Variants in ZFHX3 observed in about 807,000 individuals in gnomAD.
The protein encoded by ZFHX3 is zinc finger homeobox protein 3.
Under a neutral mutation model 279.1 loss-of-function variants are expected in ZFHX3, and 42 were observed. That is an observed-to-expected ratio of 0.15 (90% CI 0.12 to 0.19). The LOEUF (loss-of-function observed/expected upper bound fraction) is 0.19, where lower values mean the gene tolerates loss of function less well. Ranked by LOEUF, ZFHX3 falls within the 10% of genes least tolerant of loss-of-function variation. ZFHX3 has a pLI of 1.00. For missense variants in ZFHX3, 4,981 were observed against 4,754.0 expected (o/e 1.05, Z -1.40); for synonymous variants, 2,293 against 1,957.8 (o/e 1.17, Z -4.52).
At position 72,787,494 on chromosome 16, in the gene ZFHX3, G is replaced by C. The variant is rs764459005; in HGVS notation, c.10782C>G (p.Asn3594Lys). Residue 3594 changes from asparagine (N) to lysine (K), a missense_variant, in exon 10 of 10, where the codon AAC becomes AAG. Asn to Lys is a moderately conservative substitution (Grantham distance 94). Transcript: ENST00000268489. ...ASTSQSAAHS[N>K]DSPPPPSAAA... ...CGGCCGACGGGGGAGGGGGGCTGTCGTTTGAGTGAGCGGCAGACTGCGAGG... is the reference window on the plus strand; with the variant it reads ...CGGCCGACGGGGGAGGGGGGCTGTCCTTTGAGTGAGCGGCAGACTGCGAGG... The C allele has an allele frequency of 1.9e-5, 30 of 1,613,476 alleles. No individual in the cohort carries two copies. The highest frequency in any genetic ancestry group is 1.1e-4 in the African/African-American group (8 of 74,838).
chr16:72,802,558 A>G (rs891619217), intron 7 of ZFHX3, among the ~76,000 whole-genome samples: 1 of 152,142 alleles, frequency 6.6e-6, no homozygotes, highest in African/African-American at 2.4e-5. Flanking sequence ...TCTCCCTGAA[A>G]AAAAGGGGGG....
chr16:72,980,861 G>A (rs1164635420), intron 1 of ZFHX3, among the ~76,000 whole-genome samples: 4 of 152,256 alleles, frequency 2.6e-5, no homozygotes, highest in South Asian at 2.1e-4. Context: ...CAAAAAAGAC[G>A]GAACAAATCT....
intron 2 of ZFHX3, among the ~76,000 whole-genome samples, chr16:73,560,569 G>A (rs1234913050): frequency 6.6e-6 from 1 of 152,210 alleles, no homozygotes; most frequent in Admixed American, 6.5e-5. Context: ...TTGCTAGGCG[G>A]GTTTGGGTGT....
At chr16:72,947,659 G>C (rs1190485654) in intron 3 of ZFHX3, among the ~76,000 whole-genome samples, 1 of 152,102 alleles carries the variant, frequency 6.6e-6, no homozygotes, top group Non-Finnish European at 1.5e-5. Context: ...AGCAGCTTTG[G>C]AGAGCCGCCC....
intron 1 of ZFHX3, among the ~76,000 whole-genome samples, chr16:72,967,926 TAAA>T (rs34395944): frequency 7.6e-6 from 1 of 131,730 alleles, no homozygotes. Context: ...AGACCCCATC[TAAA>T]AAAAAAAAAA....
intron 1 of ZFHX3, among the ~76,000 whole-genome samples, chr16:73,016,397 A>C (rs887976529): frequency 2.0e-5 from 3 of 152,080 alleles, no homozygotes; most frequent in African/African-American, 4.8e-5. Flanking sequence ...TAAAAAAAAA[A>C]CAAAACATAA....
intron 1 of ZFHX3, among the ~76,000 whole-genome samples, chr16:73,009,736 A>T (rs1963844716): frequency 6.6e-6 from 1 of 152,018 alleles, no homozygotes. Context: ...AAACTCACAA[A>T]GGGGCCAGTC....
intron 1 of ZFHX3, among the ~76,000 whole-genome samples, chr16:72,979,489 C>T (rs1267209325): frequency 6.6e-6 from 1 of 152,168 alleles, no homozygotes; most frequent in Non-Finnish European, 1.5e-5. Context: ...ATTAACACTG[C>T]TCCCCACAAC....
intron 3 of ZFHX3, among the ~76,000 whole-genome samples, chr16:73,323,793 C>T (rs563966557): frequency 5.3e-5 from 8 of 152,288 alleles, no homozygotes; most frequent in African/African-American, 1.9e-4. Flanking sequence ...AACAGACATT[C>T]TGGGTAGAGC....
intron 3 of ZFHX3, among the ~76,000 whole-genome samples, chr16:73,438,946 G>A (rs1156516941): frequency 6.6e-6 from 1 of 152,210 alleles, no homozygotes; most frequent in Non-Finnish European, 1.5e-5. Flanking sequence ...AGTGAAGCCA[G>A]CAGTTCCCAT....
At chr16:73,288,686 T>C (rs2014693098) in intron 4 of ZFHX3, among the ~76,000 whole-genome samples, 1 of 152,144 alleles carries the variant, frequency 6.6e-6, no homozygotes, top group Non-Finnish European at 1.5e-5. Context: ...ACTGCTTCGT[T>C]TGAGGCTTCT....
At chr16:73,064,410 C>T (rs1222847191), upstream of ZFHX3, among the ~76,000 whole-genome samples, 1 of 152,102 alleles carries the variant, frequency 6.6e-6, no homozygotes, top group Admixed American at 6.5e-5. Context: ...CCTGCCGCCC[C>T]TAACCCTGCC....
chr16:73,578,153 G>C (rs1366970528), intron 2 of ZFHX3, among the ~76,000 whole-genome samples: 2 of 152,184 alleles, frequency 1.3e-5, no homozygotes, highest in Middle Eastern at 3.4e-3. Flanking sequence ...CACTCAAGCC[G>C]GTCTACCTGG....
At chr16:73,578,198 A>G (rs1263682388) in intron 2 of ZFHX3, among the ~76,000 whole-genome samples, 1 of 152,232 alleles carries the variant, frequency 6.6e-6, no homozygotes, top group Non-Finnish European at 1.5e-5. Flanking sequence ...TGAGTTAAAC[A>G]GGTACTTCTG....
At chr16:73,479,428 G>C (rs1253923728) in intron 2 of ZFHX3, among the ~76,000 whole-genome samples, 3 of 152,056 alleles carry the variant, frequency 2.0e-5, no homozygotes, top group South Asian at 4.2e-4. Context: ...CTATTACCTT[G>C]GCTGGAGATA....
At chr16:73,224,806 G>A (rs1342353317) in intron 5 of ZFHX3, among the ~76,000 whole-genome samples, 2 of 152,160 alleles carry the variant, frequency 1.3e-5, no homozygotes, top group East Asian at 1.9e-4. Flanking sequence ...AAAAAGGAAA[G>A]TTGCTTGACG....
intron 2 of ZFHX3, among the ~76,000 whole-genome samples, chr16:73,528,620 G>A (rs374676925): frequency 1.2e-4 from 19 of 152,342 alleles, no homozygotes; most frequent in African/African-American, 4.6e-4. Flanking sequence ...GAATTCAGCT[G>A]TCTGGGGAAG....
chr16:73,428,998 C>T (rs1464845520), intron 3 of ZFHX3, among the ~76,000 whole-genome samples: 1 of 152,182 alleles, frequency 6.6e-6, no homozygotes, highest in Non-Finnish European at 1.5e-5. Flanking sequence ...TAAAGGACAT[C>T]CAGGTATGCC....
chr16:72,981,037 T>G (rs745918358), intron 1 of ZFHX3, among the ~76,000 whole-genome samples: 7 of 152,184 alleles, frequency 4.6e-5, no homozygotes, highest in Non-Finnish European at 1.0e-4. Flanking sequence ...AGATTCAGTC[T>G]TGAGTCAATA....
Sources: allele counts gnomAD v4.1 joint callset (sites outside exome capture counted in the v4.1 genomes callset), GRCh38; gene constraint gnomAD v4.1.1; transcripts MANE v1.5; gene names NCBI Gene and HGNC (gene_info 2026-07-23, HGNC 2026-07-21).